SHROOM3: variants seen among roughly 807,000 people sequenced by gnomAD.
SHROOM3 encodes protein Shroom3.
A neutral mutation model predicts 138.6 loss-of-function variants in SHROOM3; 47 were observed. The ratio of observed to expected loss-of-function variants is 0.34; its 90% CI spans 0.27 to 0.43. The LOEUF is 0.43. Among genes scored for constraint, SHROOM3 ranks in the 20% least tolerant of loss-of-function variants. The pLI, the probability that SHROOM3 is intolerant of heterozygous loss-of-function variation, is 1.00. For synonymous variants in SHROOM3, 1,062 were observed against 1,063.3 expected, an observed-to-expected ratio of 1.00 and a Z score of 0.02; for missense variants, 2,491 against 2,596.5, an observed-to-expected ratio of 0.96 and a Z score of 0.88.
intron 1 of SHROOM3, among the ~76,000 whole-genome samples, chr4:76,551,001 G>A (rs1733341456): frequency 6.6e-6 from 1 of 151,424 alleles, no homozygotes; most frequent in South Asian, 2.1e-4. Flanking sequence ...CCCTCACTTG[G>A]GGGCTAGGAT....
intron 2 of SHROOM3, among the ~76,000 whole-genome samples, chr4:76,679,773 C>A (rs1177435417): frequency 3.3e-5 from 5 of 152,212 alleles, no homozygotes; most frequent in Admixed American, 3.3e-4. Flanking sequence ...CCTCCCCACA[C>A]TCCCCAGGCA....
intron 2 of SHROOM3, among the ~76,000 whole-genome samples, chr4:76,583,102 A>G (rs1207644313): frequency 6.6e-6 from 1 of 152,166 alleles, no homozygotes; most frequent in Non-Finnish European, 1.5e-5. Flanking sequence ...TAGAGAAAGG[A>G]GGAAATACAA....
At chr4:76,620,209 A>T (rs1400547407) in intron 2 of SHROOM3, among the ~76,000 whole-genome samples, 1 of 152,118 alleles carries the variant, frequency 6.6e-6, no homozygotes, top group African/African-American at 2.4e-5. Flanking sequence ...ATTTGGGAAG[A>T]CAGTCTGGGA....
chr4:76,646,225 A>AATAAATAAATAAATATATAT lies in SHROOM3; in HGVS notation c.324-63928_324-63927insAATAAATAAATATATATATA, dbSNP rs61374645. Among the ~76,000 whole-genome samples the AATAAATAAATAAATATATAT allele has an allele frequency of 2.4e-3, 233 of 96,186 alleles. 1 individual carries two copies. Among genetic ancestry groups the AATAAATAAATAAATATATAT allele is most frequent in the Non-Finnish European group, 3.9e-3 (194 of 49,834 alleles). The allele number at this position is 96,186 out of a possible 152,430, so 63.1% of individuals were successfully genotyped here. A position where few individuals can be genotyped will look rare whatever the true frequency, so the allele number is the denominator to read the frequency against. Reference sequence around the variant, plus strand: ...CCTAGAACTTAAAGTATAATAAATAAATATATATATATATATATATATAAA... The same window carrying AATAAATAAATAAATATATAT: ...CCTAGAACTTAAAGTATAATAAATAAATAAATAAATAAATATATATATATATATATATATATATATATAAA... On this transcript the variant is annotated intron_variant, in intron 2 of 10. Transcript: ENST00000296043.
At chr4:76,693,366 G>GTTTTTTT (rs1429298697) in intron 2 of SHROOM3, among the ~76,000 whole-genome samples, 24 of 60,092 alleles carry the variant, frequency 4.0e-4, no homozygotes, top group African/African-American at 1.2e-3. Flanking sequence ...ATTTTGATAA[G>GTTTTTTT]TTTGTTTTTT....
chr4:76,673,547 A>G (rs1718946566), intron 2 of SHROOM3, among the ~76,000 whole-genome samples: 1 of 152,192 alleles, frequency 6.6e-6, no homozygotes. Flanking sequence ...AAAAAAGCCA[A>G]GGGTGGAGGA....
At chr4:76,608,496 C>T (rs182264256) in intron 2 of SHROOM3, among the ~76,000 whole-genome samples, 277 of 149,526 alleles carry the variant, frequency 1.9e-3, no homozygotes, top group African/African-American at 6.6e-3. Flanking sequence ...TTATACTCTC[C>T]GGAAAGCTGA....
rs946533143 is a variant in SHROOM3 at position 76,770,880 on chromosome 4, T to C, written c.5604T>C (p.Asp1868=). The C allele has an allele frequency of 1.9e-6, 3 of 1,614,196 alleles. No individual in the cohort carries two copies. The highest frequency in any genetic ancestry group is 1.1e-5 in the South Asian group (1 of 91,076). Residue 1868 remains aspartate (D), a synonymous_variant, in exon 10 of 11, where the codon GAT becomes GAC. Transcript: ENST00000296043. ...VENVLSGLGE[D]ASNEERSSLY... ...ATGTCCTTAGCGGCCTTGGTGAAGATGCCAGTAATGAAGAAAGGGTAGGTG... is the reference window on the plus strand; with the variant it reads ...ATGTCCTTAGCGGCCTTGGTGAAGACGCCAGTAATGAAGAAAGGGTAGGTG...
rs1730603911 is a variant in SHROOM3, at chr4:76,438,471, T to A, written c.168+2251T>A. Among the ~76,000 whole-genome samples the A allele has an allele frequency of 1.3e-5, 2 of 152,226 alleles. 1 individual carries two copies. The highest frequency in any genetic ancestry group is 4.1e-4 in the South Asian group (2 of 4,826). ...GTAACTAAAATGAAGTAAAAAATTTTAAACTCTGTTTAAATGTTCCTCATT... is the reference window on the plus strand; with the variant it reads ...GTAACTAAAATGAAGTAAAAAATTTAAAACTCTGTTTAAATGTTCCTCATT... On this transcript the variant is annotated intron_variant, in intron 1 of 10. Coordinates refer to ENST00000296043, the MANE Select transcript of SHROOM3 (RefSeq NM_020859.4).
At chr4:76,645,190 A>C (rs1456582547) in intron 2 of SHROOM3, 1 of 152,214 alleles carries the variant, frequency 6.6e-6, no homozygotes, top group Non-Finnish European at 1.5e-5. Flanking sequence ...ACCATGGTGT[A>C]AAAGTCAATA....
intron 1 of SHROOM3, among the ~76,000 whole-genome samples, chr4:76,491,422 A>AT (rs1731847175): frequency 6.6e-6 from 1 of 152,224 alleles, no homozygotes; most frequent in South Asian, 2.1e-4. Context: ...GTTTTACTAC[A>AT]CAGAAGCTTA....
intron 1 of SHROOM3, among the ~76,000 whole-genome samples, chr4:76,495,003 C>T (rs940499699): frequency 2.6e-5 from 4 of 152,174 alleles, no homozygotes; most frequent in Non-Finnish European, 5.9e-5. Context: ...TCTATTTAGG[C>T]ACCAAGGCTA....
chr4:76,662,227 GTTGAATTCAGCTCCTTCTTGTTGTTGT>G, intron 2 of SHROOM3, among the ~76,000 whole-genome samples: 1 of 152,228 alleles, frequency 6.6e-6, no homozygotes, highest in South Asian at 2.1e-4. Flanking sequence ...CTTGTTGTTG[GTTGAATTCAGCTCCTTCTTGTTGTTGT>G]TTGAATTCAG....
intron 1 of SHROOM3, among the ~76,000 whole-genome samples, chr4:76,534,731 C>T (rs1369095285): frequency 2.0e-5 from 3 of 152,150 alleles, no homozygotes; most frequent in Non-Finnish European, 4.4e-5. Flanking sequence ...CTGATGGGTA[C>T]TCTACCCATT....
Position 76,706,155 on chromosome 4 carries a change from G to A in SHROOM3, c.324-4001G>A, listed in dbSNP as rs949212186. Among the ~76,000 whole-genome samples, 14 of 152,038 alleles carry A rather than the reference G, an allele frequency of 9.2e-5. No homozygotes were observed. The South Asian group carries it at 1.7e-3, about 18-fold the overall frequency. ...TGTTTGTTTTTGAGACGGAGTCTCC[G>A]TCTGTTGCCAGGCTGGAGTGCAGAG... On this transcript the variant is annotated intron_variant, in intron 2 of 10. Coordinates refer to ENST00000296043, the MANE Select transcript of SHROOM3 (RefSeq NM_020859.4).
intron 2 of SHROOM3, among the ~76,000 whole-genome samples, chr4:76,705,429 C>T (rs774982224): frequency 3.3e-5 from 5 of 152,060 alleles, no homozygotes; most frequent in African/African-American, 4.8e-5. Flanking sequence ...CCTGGGAGGT[C>T]GAGGCTGCAG....
chr4:76,766,174 G>A (rs1176985469), intron 9 of SHROOM3, among the ~76,000 whole-genome samples: 1 of 152,200 alleles, frequency 6.6e-6, no homozygotes, highest in Admixed American at 6.5e-5. Context: ...CTCTCTCACC[G>A]GGTTGTTGCA....
chr4:76,569,968 T>C (rs1733802913), intron 2 of SHROOM3, among the ~76,000 whole-genome samples: 3 of 152,196 alleles, frequency 2.0e-5, no homozygotes, highest in African/African-American at 4.8e-5. Context: ...ATGAGATCAG[T>C]GTCCATTTGA....
chr4:76,474,316 C>G (rs1264827184), intron 1 of SHROOM3, among the ~76,000 whole-genome samples: 11 of 152,008 alleles, frequency 7.2e-5, no homozygotes, highest in Admixed American at 7.2e-4. Flanking sequence ...CTAGAGGGTA[C>G]AGGACTTAAT....
Sources: allele counts gnomAD v4.1 joint callset (sites outside exome capture counted in the v4.1 genomes callset), GRCh38; gene constraint gnomAD v4.1.1; transcripts MANE v1.5; gene names NCBI Gene and HGNC (gene_info 2026-07-23, HGNC 2026-07-21).